ATP8B4: variants seen among roughly 807,000 people sequenced by gnomAD.
ATP8B4 encodes the protein probable phospholipid-transporting ATPase IM.
In ATP8B4, 133 loss-of-function variants were observed where a neutral mutation model predicts 145.6. The observed-to-expected ratio is 0.91, with a 90% CI of 0.79 to 1.05. The LOEUF (loss-of-function observed/expected upper bound fraction) is 1.05. ATP8B4 is among the 50% of genes least tolerant of loss of function. ATP8B4 has a pLI of 0.00. For missense variants in ATP8B4, 1,458 were observed against 1,425.2 expected, an observed-to-expected ratio of 1.02 and a Z score of -0.37; for synonymous variants, 507 against 492.9, an observed-to-expected ratio of 1.03 and a Z score of -0.38.
At chr15:49,936,606 T>G (rs1461552397) in intron 14 of ATP8B4, among the ~76,000 whole-genome samples, 1 of 152,154 alleles carries the variant, frequency 6.6e-6, no homozygotes, top group African/African-American at 2.4e-5. Flanking sequence ...GGTTTGTAAT[T>G]TTAGAGGTAT....
At position 50,087,371 on chromosome 15, in the gene ATP8B4, A is replaced by G. The variant is rs1414039350; in HGVS notation, c.29-13186T>C. Among the ~76,000 whole-genome samples the G allele has an allele frequency of 2.9e-5, 4 of 138,744 alleles. No individual in the cohort carries two copies. The East Asian group carries it at 8.2e-4, about 28-fold the overall frequency. The allele number at this position is 138,744 out of a possible 152,430, so 91.0% of individuals were successfully genotyped here. ...ATCTATATATTATATATAATAAAAT[A>G]ATATATAGATATATATTATACATAT... On this transcript the variant is annotated intron_variant, in intron 2 of 27. Transcript: ENST00000284509.
At chr15:49,994,346 T>A (rs987120533) in intron 9 of ATP8B4, among the ~76,000 whole-genome samples, 12 of 152,142 alleles carry the variant, frequency 7.9e-5, no homozygotes, top group African/African-American at 2.7e-4. Context: ...CTCTTTACGT[T>A]AGGACTTTCC....
intron 23 of ATP8B4, among the ~76,000 whole-genome samples, chr15:49,892,342 G>T (rs1265908501): frequency 2.0e-5 from 3 of 152,030 alleles, no homozygotes; most frequent in Non-Finnish European, 4.4e-5. Context: ...TTTATAAGAT[G>T]AAAAAAACTT....
At chr15:49,981,378 G>A in intron 10 of ATP8B4, 84 bp from the exon 11 acceptor site, 3 of 1,019,918 alleles carry the variant, frequency 2.9e-6, no homozygotes, top group African/African-American at 1.6e-5. Context: ...GTCTCTGAAA[G>A]AAAAAAATAT....
chr15:50,074,208 T>G (rs761956089), intron 2 of ATP8B4, 23 bp from the exon 3 acceptor site: 1 of 1,594,940 alleles, frequency 6.3e-7, no homozygotes, highest in Non-Finnish European at 8.6e-7. Context: ...AAATCAAGTA[T>G]GAAATTAAAT....
At chr15:50,005,739 G>A (rs1039401932) in intron 7 of ATP8B4, among the ~76,000 whole-genome samples, 1 of 152,096 alleles carries the variant, frequency 6.6e-6, no homozygotes, top group Non-Finnish European at 1.5e-5. Flanking sequence ...TCCTCTGGTG[G>A]GCTACTAAAT....
At chr15:50,170,809 G>A (rs545910827) in intron 1 of ATP8B4, among the ~76,000 whole-genome samples, 2 of 152,302 alleles carry the variant, frequency 1.3e-5, no homozygotes, top group Admixed American at 6.5e-5. Context: ...CTGCTTTCAG[G>A]AGACTCACCT....
At chr15:49,904,372 T>C (rs1414421061) in intron 20 of ATP8B4, among the ~76,000 whole-genome samples, 1 of 152,142 alleles carries the variant, frequency 6.6e-6, no homozygotes, top group Admixed American at 6.5e-5. Context: ...TTAGAGTTCA[T>C]GAAATGGGAC....
chr15:50,023,512 T>C (rs911246318), intron 6 of ATP8B4, among the ~76,000 whole-genome samples: 9 of 152,168 alleles, frequency 5.9e-5, no homozygotes, highest in African/African-American at 1.9e-4. Flanking sequence ...TACTCTAAAA[T>C]GCTCCCTATT....
chr15:49,954,542 A>C (rs1308349973), intron 14 of ATP8B4, among the ~76,000 whole-genome samples: 1 of 152,198 alleles, frequency 6.6e-6, no homozygotes, highest in Non-Finnish European at 1.5e-5. Context: ...CACTTCTCAA[A>C]AGAAGACATA....
intron 1 of ATP8B4, among the ~76,000 whole-genome samples, chr15:50,162,772 C>T (rs944210489): frequency 6.6e-6 from 1 of 152,146 alleles, no homozygotes; most frequent in Non-Finnish European, 1.5e-5. Context: ...TCCCAAAGTG[C>T]TGGAATTACA....
chr15:49,975,003 T>C (rs2045541552), intron 12 of ATP8B4, among the ~76,000 whole-genome samples: 1 of 152,188 alleles, frequency 6.6e-6, no homozygotes, highest in Non-Finnish European at 1.5e-5. Context: ...TCACCTTTAT[T>C]CTCTTCCTCT....
chr15:49,885,478 A>T (rs530427557), intron 23 of ATP8B4, among the ~76,000 whole-genome samples: 5 of 152,346 alleles, frequency 3.3e-5, no homozygotes, highest in African/African-American at 9.6e-5. Flanking sequence ...TATAATTTTA[A>T]TGCCCAGAGC....
intron 7 of ATP8B4, among the ~76,000 whole-genome samples, chr15:50,002,816 T>C (rs759541291): frequency 1.3e-5 from 2 of 152,100 alleles, no homozygotes; most frequent in Non-Finnish European, 2.9e-5. Context: ...AGAGAAAATG[T>C]AGTCAAAGGC....
chr15:50,089,654 C>A (rs1273603750), intron 2 of ATP8B4, among the ~76,000 whole-genome samples: 4 of 149,766 alleles, frequency 2.7e-5, no homozygotes, highest in African/African-American at 7.4e-5. Flanking sequence ...GAAACAGGAA[C>A]TTTTTTTTTT....
intron 3 of ATP8B4, among the ~76,000 whole-genome samples, chr15:50,056,281 C>T (rs148540758): frequency 0.013 from 1,954 of 152,250 alleles, 53 homozygotes; most frequent in Non-Finnish European, 0.012. Flanking sequence ...GTTATTGAGC[C>T]AGGGCTACAG....
At chr15:49,954,904 A>T (rs139852605) in intron 14 of ATP8B4, among the ~76,000 whole-genome samples, 1 of 152,338 alleles carries the variant, frequency 6.6e-6, no homozygotes, top group Admixed American at 6.5e-5. Flanking sequence ...TCATAACAGC[A>T]AAAAACATAG....
At chr15:50,108,980 C>A (rs2056816036) in intron 1 of ATP8B4, among the ~76,000 whole-genome samples, 1 of 152,116 alleles carries the variant, frequency 6.6e-6, no homozygotes, top group Admixed American at 6.5e-5. Context: ...AAGACACTTT[C>A]CTTTTAGCAA....
chr15:49,936,867 G>A (rs2153473062), intron 14 of ATP8B4, among the ~76,000 whole-genome samples: 1 of 151,616 alleles, frequency 6.6e-6, no homozygotes, highest in South Asian at 2.1e-4. Context: ...CTTTCTGGGA[G>A]AGTCTCTTGA....
Sources: gnomAD v4.1 joint callset for allele counts (sites outside exome capture counted in the v4.1 genomes callset) on GRCh38, gnomAD v4.1.1 for gene constraint, MANE v1.5 for transcripts, NCBI Gene and HGNC (gene_info 2026-07-23, HGNC 2026-07-21) for gene names.